IFT80: variants seen among roughly 807,000 people sequenced by gnomAD.
IFT80 encodes the protein intraflagellar transport 80.
Under a neutral mutation model 107.9 loss-of-function variants are expected in IFT80, and 79 were observed. The observed-to-expected ratio is 0.73, with a 90% confidence interval of 0.61 to 0.88. The LOEUF is 0.88. IFT80 is among the 40% of genes least tolerant of loss of function. IFT80 has a pLI of 0.00. For synonymous variants in IFT80, 299 were observed against 300.9 expected, an observed-to-expected ratio of 0.99 and a Z score of 0.07; for missense variants, 797 against 914.2, an observed-to-expected ratio of 0.87 and a Z score of 1.65.
chr3:160,392,787 C>T (rs922993094), intron 1 of IFT80, among the ~76,000 whole-genome samples: 4 of 152,212 alleles, frequency 2.6e-5, no homozygotes, highest in African/African-American at 9.6e-5. Context: ...AAATAAACCA[C>T]AGCCAGGTAC....
chr3:160,268,878 G>C, intron 18 of IFT80: 1 of 268,526 alleles, frequency 3.7e-6, no homozygotes, highest in Non-Finnish European at 7.2e-6. Flanking sequence ...CTTATTGAAG[G>C]GAGACATTTC....
chr3:160,352,281 A>G (rs979301019), intron 8 of IFT80, among the ~76,000 whole-genome samples: 3 of 152,230 alleles, frequency 2.0e-5, no homozygotes, highest in Admixed American at 6.5e-5. Flanking sequence ...GGCGTGAGCC[A>G]CCACGCCCGG....
At chr3:160,314,085 A>G (rs767312744) in intron 9 of IFT80, among the ~76,000 whole-genome samples, 1 of 152,240 alleles carries the variant, frequency 6.6e-6, no homozygotes, top group Non-Finnish European at 1.5e-5. Context: ...ATTTAATCCT[A>G]TAGCTATAAT....
At chr3:160,284,446 G>A (rs114436963) in intron 13 of IFT80, among the ~76,000 whole-genome samples, 2,137 of 152,160 alleles carry the variant, frequency 0.014, 50 homozygotes, top group African/African-American at 0.048. Flanking sequence ...TGACAATAAC[G>A]GAGAGGTTAT....
chr3:160,301,491 T>G (rs1716421068), intron 11 of IFT80, among the ~76,000 whole-genome samples: 1 of 151,962 alleles, frequency 6.6e-6, no homozygotes, highest in African/African-American at 2.4e-5. Context: ...AATTAAAGAT[T>G]AACTAGTGGT....
chr3:160,386,686 T>A (rs1712959736), intron 1 of IFT80, among the ~76,000 whole-genome samples: 1 of 152,144 alleles, frequency 6.6e-6, no homozygotes, highest in Non-Finnish European at 1.5e-5. Context: ...GCCACCACCA[T>A]CCCCTGCCTC....
At chr3:160,313,100 TA>T (rs1000856581) in intron 9 of IFT80, among the ~76,000 whole-genome samples, 2 of 115,530 alleles carry the variant, frequency 1.7e-5, no homozygotes, top group Admixed American at 1.4e-4. Flanking sequence ...ATTTTATATA[TA>T]TTTTTTATAT....
At chr3:160,312,326 G>T (rs1424149271) in intron 9 of IFT80, among the ~76,000 whole-genome samples, 3 of 151,436 alleles carry the variant, frequency 2.0e-5, no homozygotes, top group Non-Finnish European at 2.9e-5. Flanking sequence ...CTCCTTTCAG[G>T]ATGGAGAGAA....
chr3:160,349,182 C>T (rs1461237269), intron 8 of IFT80, among the ~76,000 whole-genome samples: 1 of 152,020 alleles, frequency 6.6e-6, no homozygotes, highest in Non-Finnish European at 1.5e-5. Flanking sequence ...GGCACCATGG[C>T]TCACCCTATA....
intron 8 of IFT80, among the ~76,000 whole-genome samples, chr3:160,346,058 A>T (rs979402769): frequency 4.6e-5 from 7 of 152,178 alleles, no homozygotes; most frequent in African/African-American, 1.4e-4. Context: ...TTAAATAAAT[A>T]AAAAAATCAA....
intron 12 of IFT80, among the ~76,000 whole-genome samples, chr3:160,292,496 T>C (rs1715641766): frequency 6.7e-6 from 1 of 149,120 alleles, no homozygotes; most frequent in Admixed American, 6.6e-5. Flanking sequence ...TTTTTTTTTT[T>C]TGAGACGGAG....
chr3:160,368,771 T>C (rs780770995), intron 5 of IFT80, among the ~76,000 whole-genome samples: 1 of 145,598 alleles, frequency 6.9e-6, no homozygotes, highest in Non-Finnish European at 1.5e-5. Context: ...ATTATAGTTA[T>C]AATTTTTGTA....
chr3:160,351,343 T>C (rs1720682756), intron 8 of IFT80, among the ~76,000 whole-genome samples: 1 of 149,640 alleles, frequency 6.7e-6, no homozygotes, highest in Non-Finnish European at 1.5e-5. Flanking sequence ...AGTTAAATAA[T>C]ATCTTACTGT....
chr3:160,350,800 C>T (rs770153575), intron 8 of IFT80, among the ~76,000 whole-genome samples: 1 of 151,306 alleles, frequency 6.6e-6, no homozygotes, highest in Non-Finnish European at 1.5e-5. Context: ...GGCGACAGAG[C>T]GAGGCTCCGT....
In IFT80 at chr3:160,390,365, C is replaced by T. The variant is rs1026390674; in HGVS notation, c.-46-5719G>A. Among the ~76,000 whole-genome samples, 4 of 150,566 alleles carry T rather than the reference C, an allele frequency of 2.7e-5. 1 individual carries two copies. On this transcript the variant is annotated intron_variant, in intron 1 of 19. Coordinates refer to ENST00000326448, the MANE Select transcript of IFT80 (RefSeq NM_020800.3). ...CCGGGAGGCAGAGGTTGCAGTAAGC[C>T]GAGATCGCACCATTGCACTCCAGCC... is the stretch of plus-strand genomic sequence containing the variant.
chr3:160,352,152 GGCTAATTTT>G (rs1720758085), intron 8 of IFT80, among the ~76,000 whole-genome samples: 2 of 151,710 alleles, frequency 1.3e-5, no homozygotes, highest in African/African-American at 2.4e-5. Context: ...CACCACGCCC[GGCTAATTTT>G]GTTTTTGTAT....
chr3:160,349,118 T>G (rs1720491793), intron 8 of IFT80, among the ~76,000 whole-genome samples: 1 of 152,086 alleles, frequency 6.6e-6, no homozygotes. Context: ...ATTTGTTTCT[T>G]TAAAAAAGCA....
intron 18 of IFT80, among the ~76,000 whole-genome samples, chr3:160,273,448 C>T (rs1206132826): frequency 2.6e-5 from 4 of 152,036 alleles, no homozygotes; most frequent in African/African-American, 7.2e-5. Context: ...GATCAACTTA[C>T]GTAATGGTAC....
chr3:160,386,180 T>G (rs971432664), intron 1 of IFT80, among the ~76,000 whole-genome samples: 2 of 152,226 alleles, frequency 1.3e-5, no homozygotes, highest in Non-Finnish European at 2.9e-5. Flanking sequence ...GACAATGGCA[T>G]TCTAACACTG....
Sources: allele counts gnomAD v4.1 joint callset (sites outside exome capture counted in the v4.1 genomes callset), GRCh38; gene constraint gnomAD v4.1.1; transcripts MANE v1.5; gene names NCBI Gene and HGNC (gene_info 2026-07-23, HGNC 2026-07-21).